The following PPFIBP1 variants were observed in gnomAD, a reference collection of about 807,000 sequenced individuals.
PPFIBP1 encodes PPFIB scaffold protein 1, also known as liprin-beta-1.
Under a neutral mutation model 137.8 loss-of-function variants are expected in PPFIBP1, and 112 were observed. The observed-to-expected ratio is 0.81, with a 90% CI of 0.70 to 0.95. The LOEUF is 0.95. Among genes scored for constraint, PPFIBP1 ranks in the 40% least tolerant of loss-of-function variants. The pLI, the probability that PPFIBP1 is intolerant of heterozygous loss-of-function variation, is 0.00. For missense variants in PPFIBP1, 1,083 were observed against 1,196.6 expected (o/e 0.91, Z 1.40); for synonymous variants, 378 against 417.3 (o/e 0.91, Z 1.15).
chr12:27,667,186 G>A lies in PPFIBP1; in HGVS notation c.1012G>A (p.Glu338Lys). Residue 338 changes from glutamate (E) to lysine (K), a missense_variant, in exon 13 of 30, where the codon GAG becomes AAG. Physicochemically the swap from Glu to Lys is moderately conservative, Grantham distance 56. Coordinates refer to ENST00000228425, the MANE Select transcript of PPFIBP1 (RefSeq NM_003622.4). Reference protein sequence around the residue: ...GKKGKDGEYEELLNSSSISSL... With the variant: ...GKKGKDGEYEKLLNSSSISSL... ...CCTAGGCAAAGATGGAGAATATGAA[G>A]AGCTGCTCAATTCCAGTTCCATCTC... 1 of 1,604,768 alleles carries A rather than the reference G, an allele frequency of 6.2e-7. No individual in the cohort carries two copies. The highest frequency in any genetic ancestry group is 1.1e-5 in the South Asian group (1 of 88,872).
rs147549449 is a variant in PPFIBP1, at chr12:27,680,543, T to A, written c.1895+482T>A. ...TACCCCAAAAGCTGACCATGAAGGTTAAATAAGTTAATATGTGTTAAATAT... is the reference window on the plus strand; with the variant it reads ...TACCCCAAAAGCTGACCATGAAGGTAAAATAAGTTAATATGTGTTAAATAT... On this transcript the variant is annotated intron_variant, in intron 21 of 29. Transcript: ENST00000228425. Among the ~76,000 whole-genome samples the A allele has an allele frequency of 1.3e-5, 2 of 152,324 alleles. 1 individual carries two copies. The highest frequency in any genetic ancestry group is 4.8e-5 in the African/African-American group (2 of 41,568).
chr12:27,552,590 G>A (rs182878747), intron 1 of PPFIBP1: 1 of 152,150 alleles, frequency 6.6e-6, no homozygotes, highest in Non-Finnish European at 1.5e-5. Flanking sequence ...ATTCCAAATC[G>A]ATGTTTCTCA....
intron 7 of PPFIBP1, 129 bp from the exon 8 acceptor site, chr12:27,654,593 C>T (rs2059082776): frequency 8.5e-7 from 1 of 1,169,888 alleles, no homozygotes; most frequent in Non-Finnish European, 1.1e-6. Context: ...TTCCATTTGT[C>T]TCATCTGATT....
In PPFIBP1 at chr12:27,650,025, A is replaced by T; in HGVS notation, c.487A>T (p.Thr163Ser). ...ATTATAATAGGAGCTTCTAAGTAGG[A>T]CATCCTTAGAAACTCAGAAGTTGGA... ...EMLQQELLSR[T>S]SLETQKLDLM... is the part of the protein sequence containing the mutation. Residue 163 changes from threonine (T) to serine (S), a missense_variant, in exon 7 of 30, where the codon ACA becomes TCA. Coordinates refer to ENST00000228425, the MANE Select transcript of PPFIBP1 (RefSeq NM_003622.4). 6.2e-7 allele frequency: 1 copy of T among 1,602,648 alleles called. No homozygotes were observed. The highest frequency in any genetic ancestry group is 1.1e-5 in the South Asian group (1 of 90,696).
chr12:27,643,046 C>T (rs1201965110), intron 4 of PPFIBP1, among the ~76,000 whole-genome samples: 6 of 151,804 alleles, frequency 4.0e-5, no homozygotes, highest in East Asian at 3.9e-4. Flanking sequence ...ATCAGGCGGT[C>T]GGTTAGCTCA....
chr12:27,560,683 T>A (rs2049084252), intron 1 of PPFIBP1, among the ~76,000 whole-genome samples: 2 of 152,182 alleles, frequency 1.3e-5, no homozygotes, highest in Admixed American at 6.5e-5. Context: ...ACTTCTGTTT[T>A]AAGATGAGTA....
intron 24 of PPFIBP1, among the ~76,000 whole-genome samples, chr12:27,686,088 G>A (rs533281552): frequency 7.9e-5 from 12 of 152,144 alleles, no homozygotes; most frequent in African/African-American, 2.2e-4. Context: ...TTTGGAATGG[G>A]TGTCTCAATC....
intron 2 of PPFIBP1, among the ~76,000 whole-genome samples, chr12:27,605,765 A>G (rs2054466029): frequency 6.6e-6 from 1 of 152,162 alleles, no homozygotes; most frequent in African/African-American, 2.4e-5. Context: ...CCTATCAACT[A>G]TATGTCTTAA....
intron 2 of PPFIBP1, among the ~76,000 whole-genome samples, chr12:27,605,677 C>T (rs892622725): frequency 2.6e-5 from 4 of 152,026 alleles, no homozygotes; most frequent in South Asian, 2.1e-4. Flanking sequence ...TTCAAGGAGC[C>T]GTGTGTGGCA....
intron 2 of PPFIBP1, chr12:27,594,174 A>ATTTT (rs35066032): frequency 1.4e-4 from 20 of 139,802 alleles, no homozygotes; most frequent in African/African-American, 2.0e-4. Context: ...CCCCTTTTCT[A>ATTTT]TTTTTTTTTT....
At chr12:27,537,107 C>A (rs1306459669) in intron 1 of PPFIBP1, among the ~76,000 whole-genome samples, 1 of 151,980 alleles carries the variant, frequency 6.6e-6, no homozygotes, top group Non-Finnish European at 1.5e-5. Flanking sequence ...TTGTCTCCTA[C>A]TGGAGCCCTG....
intron 1 of PPFIBP1, among the ~76,000 whole-genome samples, chr12:27,544,716 G>C (rs10842929): frequency 0.14 from 21,010 of 152,162 alleles, 1,827 homozygotes; most frequent in East Asian, 0.27. Context: ...CCGTTAGAAT[G>C]GCAATCATTA....
intron 2 of PPFIBP1, among the ~76,000 whole-genome samples, chr12:27,606,665 T>G (rs891648003): frequency 5.9e-5 from 9 of 152,238 alleles, no homozygotes; most frequent in Non-Finnish European, 1.0e-4. Context: ...GAAAAATCAA[T>G]TCCGTAAGTT....
At chr12:27,661,086 C>T in intron 11 of PPFIBP1, 141 bp downstream of exon 11, 1 of 1,286,318 alleles carries the variant, frequency 7.8e-7, no homozygotes, top group Non-Finnish European at 1.0e-6. Flanking sequence ...TGCACACTCC[C>T]AGGTGGGCTG....
intron 2 of PPFIBP1, among the ~76,000 whole-genome samples, chr12:27,620,129 C>T (rs2056192157): frequency 1.3e-5 from 2 of 152,180 alleles, no homozygotes. Context: ...ACTGTTCTTG[C>T]TTCTACCTCT....
intron 14 of PPFIBP1, 37 bp from the exon 15 acceptor site, chr12:27,672,390 T>C (rs745908508): frequency 4.6e-6 from 7 of 1,526,626 alleles, no homozygotes; most frequent in Non-Finnish European, 6.3e-6. Flanking sequence ...CTTTTATTCG[T>C]GAAGTTAATA....
chr12:27,544,682 C>G (rs994964738), intron 1 of PPFIBP1, among the ~76,000 whole-genome samples: 1 of 152,080 alleles, frequency 6.6e-6, no homozygotes, highest in African/African-American at 2.4e-5. Flanking sequence ...CAAATGAAAA[C>G]CACAATGAGA....
chr12:27,692,570 G>A (rs752051430), intron 28 of PPFIBP1, 21 bp from the exon 29 acceptor site: 1 of 1,610,640 alleles, frequency 6.2e-7, no homozygotes, highest in Non-Finnish European at 8.5e-7. Context: ...CTTATGTCAT[G>A]TTATGGTTTG....
chr12:27,596,108 A>G (rs536022050), intron 2 of PPFIBP1, among the ~76,000 whole-genome samples: 4 of 33,270 alleles, frequency 1.2e-4, no homozygotes, highest in African/African-American at 3.7e-4. Context: ...ACACACACAC[A>G]TATGCTTACA....
Sources: allele counts gnomAD v4.1 joint callset (sites outside exome capture counted in the v4.1 genomes callset), GRCh38; gene constraint gnomAD v4.1.1; transcripts MANE v1.5; gene names NCBI Gene and HGNC (gene_info 2026-07-23, HGNC 2026-07-21).